The following SNTB1 variants were observed in gnomAD, a reference collection of about 807,000 sequenced individuals.
SNTB1 encodes beta-1-syntrophin.
SNTB1 carries 36 observed loss-of-function variants against 48.9 expected under a neutral mutation model. The observed-to-expected ratio is 0.74, with a 90% confidence interval of 0.56 to 0.97. The LOEUF (loss-of-function observed/expected upper bound fraction) is 0.97. SNTB1 is among the 50% of genes least tolerant of loss of function. SNTB1 has a pLI of 0.00. For synonymous variants in SNTB1, 299 were observed against 294.6 expected, an observed-to-expected ratio of 1.01 and a Z score of -0.15; for missense variants, 786 against 703.4, an observed-to-expected ratio of 1.12 and a Z score of -1.33.
rs560441422 is a variant in SNTB1 at position 120,799,935 on chromosome 8, T to C, written c.571+11338A>G. ...ACTATAATAGATATTACCACTCTCA[T>C]TTCCTGTTCCATACTAATTTTCATG... On this transcript the variant is annotated intron_variant, in intron 1 of 6. Coordinates refer to ENST00000517992, the MANE Select transcript of SNTB1 (RefSeq NM_021021.4). Among the ~76,000 whole-genome samples, 255 of 152,222 alleles carry C rather than the reference T, an allele frequency of 1.7e-3. 4 individuals carry two copies. The highest frequency in any genetic ancestry group is 2.9e-3 in the South Asian group (14 of 4,826).
intron 1 of SNTB1, among the ~76,000 whole-genome samples, chr8:120,714,177 C>G (rs1251251606): frequency 6.6e-6 from 1 of 152,176 alleles, no homozygotes; most frequent in Non-Finnish European, 1.5e-5. Context: ...AGCACAGACA[C>G]CAAGAGTGCC....
At chr8:120,678,106 T>C (rs1350603663) in intron 2 of SNTB1, among the ~76,000 whole-genome samples, 2 of 152,184 alleles carry the variant, frequency 1.3e-5, no homozygotes, top group Admixed American at 6.5e-5. Flanking sequence ...ACATTATAAG[T>C]GAAAGTGTGC....
chr8:120,749,595 T>C (rs1171736825), intron 1 of SNTB1, among the ~76,000 whole-genome samples: 1 of 152,188 alleles, frequency 6.6e-6, no homozygotes, highest in East Asian at 1.9e-4. Flanking sequence ...TCTCTTGTGG[T>C]TGCCTGTTGA....
At chr8:120,755,383 G>A (rs1032121079) in intron 1 of SNTB1, among the ~76,000 whole-genome samples, 1 of 152,030 alleles carries the variant, frequency 6.6e-6, no homozygotes, top group African/African-American at 2.4e-5. Context: ...AAGTGGCTTG[G>A]GGATTTCAGA....
At chr8:120,567,789 T>TG (rs1232763727) in intron 4 of SNTB1, among the ~76,000 whole-genome samples, 1 of 142,982 alleles carries the variant, frequency 7.0e-6, no homozygotes, top group East Asian at 2.5e-4. Flanking sequence ...GTATAATAAA[T>TG]TTTTTAAAAA....
At chr8:120,782,521 TA>T (rs1267219923) in intron 1 of SNTB1, among the ~76,000 whole-genome samples, 2 of 152,252 alleles carry the variant, frequency 1.3e-5, no homozygotes, top group East Asian at 3.9e-4. Context: ...CTCTATTAAA[TA>T]AAATGGAGAA....
chr8:120,689,637 T>G (rs1047340651), intron 2 of SNTB1, among the ~76,000 whole-genome samples: 15 of 152,212 alleles, frequency 9.9e-5, no homozygotes, highest in African/African-American at 3.6e-4. Flanking sequence ...TCTTCATATT[T>G]AATGGATGCA....
chr8:120,716,065 C>T (rs1388157435), intron 1 of SNTB1, among the ~76,000 whole-genome samples: 1 of 152,202 alleles, frequency 6.6e-6, no homozygotes, highest in African/African-American at 2.4e-5. Flanking sequence ...ATCTTTCCCA[C>T]TAGATTCTGG....
intron 5 of SNTB1, among the ~76,000 whole-genome samples, chr8:120,548,513 A>G (rs1563814309): frequency 6.6e-6 from 1 of 152,236 alleles, no homozygotes; most frequent in African/African-American, 2.4e-5. Context: ...ACAGGTAGGA[A>G]AACTGTAACT....
chr8:120,562,244 A>C (rs192359225), intron 4 of SNTB1, among the ~76,000 whole-genome samples: 1 of 152,204 alleles, frequency 6.6e-6, no homozygotes, highest in African/African-American at 2.4e-5. Flanking sequence ...CCTATCAATC[A>C]CTGTATAAAA....
intron 1 of SNTB1, among the ~76,000 whole-genome samples, chr8:120,702,085 T>A (rs1376993464): frequency 1.3e-5 from 2 of 152,232 alleles, no homozygotes; most frequent in Non-Finnish European, 2.9e-5. Context: ...AGTTATTAAT[T>A]AATTCAACAA....
chr8:120,670,358 A>C (rs1278842382), intron 2 of SNTB1, among the ~76,000 whole-genome samples: 1 of 152,250 alleles, frequency 6.6e-6, no homozygotes, highest in Non-Finnish European at 1.5e-5. Context: ...CTTCGTCTTC[A>C]TACGGCAAGG....
intron 4 of SNTB1, among the ~76,000 whole-genome samples, chr8:120,559,067 A>G (rs1291144309): frequency 1.3e-5 from 2 of 152,208 alleles, no homozygotes; most frequent in Non-Finnish European, 2.9e-5. Context: ...CAGCCCTTCA[A>G]CCAAACAAAG....
At chr8:120,726,998 T>C (rs1051924159) in intron 1 of SNTB1, among the ~76,000 whole-genome samples, 9 of 152,224 alleles carry the variant, frequency 5.9e-5, no homozygotes, top group African/African-American at 1.9e-4. Flanking sequence ...TGCATTATGC[T>C]GCAGGAATTA....
intron 3 of SNTB1, among the ~76,000 whole-genome samples, chr8:120,581,373 G>T (rs1000129493): frequency 6.6e-6 from 1 of 152,158 alleles, no homozygotes; most frequent in Non-Finnish European, 1.5e-5. Flanking sequence ...GGAGGCCGAG[G>T]TGGGCAGATC....
At chr8:120,557,113 C>T (rs546482993) in intron 4 of SNTB1, among the ~76,000 whole-genome samples, 33 of 152,168 alleles carry the variant, frequency 2.2e-4, no homozygotes, top group Admixed American at 1.8e-3. Flanking sequence ...GGTCTATATA[C>T]GGAAAGGTTT....
intron 2 of SNTB1, among the ~76,000 whole-genome samples, chr8:120,663,946 C>T (rs1361143043): frequency 3.3e-5 from 5 of 152,114 alleles, no homozygotes; most frequent in Admixed American, 6.5e-5. Flanking sequence ...TAGGAAATTG[C>T]GTCCTCCAAA....
intron 3 of SNTB1, among the ~76,000 whole-genome samples, chr8:120,629,044 A>G (rs1038998274): frequency 6.6e-6 from 1 of 152,108 alleles, no homozygotes; most frequent in Admixed American, 6.5e-5. Flanking sequence ...TCCGCTTGTC[A>G]CTTTTCTCCA....
At chr8:120,741,226 C>A (rs938044313) in intron 1 of SNTB1, among the ~76,000 whole-genome samples, 1 of 152,210 alleles carries the variant, frequency 6.6e-6, no homozygotes, top group Non-Finnish European at 1.5e-5. Flanking sequence ...GGCAACGAGT[C>A]ATTGATTTTC....
Sources: gnomAD v4.1 joint callset for allele counts (sites outside exome capture counted in the v4.1 genomes callset) on GRCh38, gnomAD v4.1.1 for gene constraint, MANE v1.5 for transcripts, NCBI Gene and HGNC (gene_info 2026-07-23, HGNC 2026-07-21) for gene names.